Variants in ZFHX3 observed in about 807,000 individuals in gnomAD.
ZFHX3 encodes zinc finger homeobox 3.
A neutral mutation model predicts 279.1 loss-of-function variants in ZFHX3; 42 were observed. The observed-to-expected ratio is 0.15, with a 90% CI of 0.12 to 0.19. ZFHX3 has a LOEUF of 0.19. Among genes scored for constraint, ZFHX3 ranks in the 10% least tolerant of loss-of-function variants. ZFHX3 has a pLI of 1.00. For synonymous variants in ZFHX3, 2,293 were observed against 1,957.8 expected, an observed-to-expected ratio of 1.17 and a Z score of -4.52; for missense variants, 4,981 against 4,754.0, an observed-to-expected ratio of 1.05 and a Z score of -1.40.
intron 2 of ZFHX3, among the ~76,000 whole-genome samples, chr16:73,584,525 GA>G (rs2051902840): frequency 6.6e-6 from 1 of 152,108 alleles, no homozygotes; most frequent in South Asian, 2.1e-4. Flanking sequence ...AGATAGTGGG[GA>G]AAAAATATTT....
chr16:73,147,064 G>A (rs1193478187), intron 5 of ZFHX3, among the ~76,000 whole-genome samples: 1 of 152,172 alleles, frequency 6.6e-6, no homozygotes, highest in Non-Finnish European at 1.5e-5. Context: ...GAAAAGAACA[G>A]GTTAAAGGTG....
intron 1 of ZFHX3, among the ~76,000 whole-genome samples, chr16:73,040,854 T>C (rs1238156629): frequency 6.6e-6 from 1 of 152,184 alleles, no homozygotes; most frequent in Non-Finnish European, 1.5e-5. Flanking sequence ...CCACTACAAA[T>C]GTAAGGTATG....
intron 2 of ZFHX3, among the ~76,000 whole-genome samples, chr16:73,559,615 C>G (rs2020340124): frequency 6.6e-6 from 1 of 152,214 alleles, no homozygotes. Context: ...GCCACTGTCT[C>G]TGATGGGTAT....
intron 2 of ZFHX3, among the ~76,000 whole-genome samples, chr16:73,552,995 C>G (rs1484441171): frequency 6.6e-6 from 1 of 152,192 alleles, no homozygotes; most frequent in East Asian, 1.9e-4. Flanking sequence ...CCTTCAAGCA[C>G]CTTTTGTCAC....
chr16:73,063,681 C>T (rs1334129383), upstream of ZFHX3, among the ~76,000 whole-genome samples: 1 of 152,162 alleles, frequency 6.6e-6, no homozygotes, highest in Admixed American at 6.5e-5. Flanking sequence ...GTGCTAGACC[C>T]TCAGACTCCT....
intron 1 of ZFHX3, among the ~76,000 whole-genome samples, chr16:73,755,686 A>G (rs577690661): frequency 2.0e-5 from 3 of 152,350 alleles, no homozygotes; most frequent in African/African-American, 7.2e-5. Context: ...CTTCAGCCAA[A>G]GGCAAGGAAT....
chr16:73,810,027 G>C (rs1960384839), intron 1 of ZFHX3, among the ~76,000 whole-genome samples: 2 of 152,176 alleles, frequency 1.3e-5, no homozygotes, highest in African/African-American at 4.8e-5. Context: ...GGCAAATCTA[G>C]AATGTGAACG....
intron 1 of ZFHX3, among the ~76,000 whole-genome samples, chr16:73,687,750 G>C (rs915182821): frequency 1.3e-5 from 2 of 148,458 alleles, no homozygotes; most frequent in Non-Finnish European, 3.0e-5. Context: ...CAGGAGACTG[G>C]GGCAGGAGAA....
chr16:73,518,945 G>C (rs114979506), intron 2 of ZFHX3, among the ~76,000 whole-genome samples: 1 of 152,206 alleles, frequency 6.6e-6, no homozygotes, highest in Admixed American at 6.5e-5. Flanking sequence ...AAGCAGCGAA[G>C]GCAAGGAGAT....
intron 1 of ZFHX3, among the ~76,000 whole-genome samples, chr16:73,714,995 T>C (rs8061111): frequency 0.91 from 137,882 of 152,270 alleles, 62,776 homozygotes; most frequent in Non-Finnish European, 0.95. Context: ...TCATTGCCTT[T>C]TAAAAATGCT....
intron 2 of ZFHX3, among the ~76,000 whole-genome samples, chr16:73,541,823 G>C (rs145048079): frequency 8.5e-6 from 1 of 117,470 alleles, no homozygotes; most frequent in African/African-American, 3.3e-5. Context: ...TTTTCCCTGA[G>C]ATGGAGTCTC....
At chr16:73,874,622 A>C (rs1295101283) in intron 1 of ZFHX3, among the ~76,000 whole-genome samples, 1 of 152,188 alleles carries the variant, frequency 6.6e-6, no homozygotes, top group Non-Finnish European at 1.5e-5. Flanking sequence ...TAAATATGTA[A>C]CACCCTAATT....
At chr16:73,010,782 C>T (rs1425218458) in intron 1 of ZFHX3, among the ~76,000 whole-genome samples, 2 of 152,166 alleles carry the variant, frequency 1.3e-5, no homozygotes, top group Non-Finnish European at 2.9e-5. Context: ...TACTCTCTGA[C>T]CAACATTGAA....
Position 73,294,444 on chromosome 16 carries a change from G to C in ZFHX3, c.-1194+23796C>G, listed in dbSNP as rs551956126. 7.2e-5 allele frequency: 11 copies of C among 152,356 alleles called. No individual in the cohort carries two copies. In the East Asian group the frequency reaches 1.9e-3, roughly 27 times the overall value. The allele number at this position is 152,356 out of a possible 1,614,324, so 9.4% of individuals were successfully genotyped here. ...GCAACGATTCTTAAAACTATAAAGT[G>C]GGGGGCTGGATAATGTGCTTATTTT... On this transcript the variant is annotated intron_variant, in intron 4 of 17. Transcript: ENST00000641206.
At chr16:73,446,373 T>A (rs2018185692) in intron 3 of ZFHX3, among the ~76,000 whole-genome samples, 1 of 152,146 alleles carries the variant, frequency 6.6e-6, no homozygotes, top group Admixed American at 6.5e-5. Flanking sequence ...GAAACGTCCT[T>A]CTTCACATGG....
At position 72,811,577 on chromosome 16, in the gene ZFHX3, C is replaced by A; in HGVS notation, c.3864G>T (p.Thr1288=). The A allele has an allele frequency of 6.3e-7, 1 of 1,581,774 alleles. No individual in the cohort carries two copies. Among genetic ancestry groups the A allele is most frequent in the South Asian group, 1.2e-5 (1 of 85,868 alleles). The part of the protein sequence containing the change: ...APDCVEKLIM[T]VTTPEMVMPS... The stretch of plus-strand genomic sequence containing the variant: ...AGGGTGCTGCTCCTGGCTGCCTTAC[C>A]GTCATAATGAGCTTCTCCACGCAGT... The change falls in exon 7 of 10, where the codon ACG becomes ACT. Residue 1288 remains threonine (T), a splice_region_variant and synonymous_variant. Coordinates refer to ENST00000268489, the MANE Select transcript of ZFHX3 (RefSeq NM_006885.4).
At chr16:73,703,504 A>T (rs1026705754) in intron 1 of ZFHX3, among the ~76,000 whole-genome samples, 3 of 151,596 alleles carry the variant, frequency 2.0e-5, no homozygotes, top group African/African-American at 4.9e-5. Flanking sequence ...AAAAAAAAAA[A>T]TTGATGTGGG....
At chr16:73,052,483 T>G (rs560695256), upstream of ZFHX3, among the ~76,000 whole-genome samples, 1 of 152,180 alleles carries the variant, frequency 6.6e-6, no homozygotes, top group Non-Finnish European at 1.5e-5. Context: ...TATTTTCCTA[T>G]CTTTTCATTT....
At chr16:73,502,020 G>C (rs1386801033) in intron 2 of ZFHX3, among the ~76,000 whole-genome samples, 2 of 151,440 alleles carry the variant, frequency 1.3e-5, no homozygotes, top group African/African-American at 4.9e-5. Context: ...GCAGCGGGTT[G>C]TCTCTTTTTT....
Sources: gnomAD v4.1 joint callset for allele counts (sites outside exome capture counted in the v4.1 genomes callset) on GRCh38, gnomAD v4.1.1 for gene constraint, MANE v1.5 for transcripts, NCBI Gene and HGNC (gene_info 2026-07-23, HGNC 2026-07-21) for gene names.